DNAH3: variants seen among roughly 807,000 people sequenced by gnomAD.
DNAH3 encodes the protein axonemal beta dynein heavy chain 3.
Under a neutral mutation model 432.5 loss-of-function variants are expected in DNAH3, and 332 were observed. The ratio of observed to expected loss-of-function variants is 0.77; its 90% CI spans 0.70 to 0.84. The LOEUF (loss-of-function observed/expected upper bound fraction) is 0.84. Ranked by LOEUF, DNAH3 falls within the 40% of genes least tolerant of loss-of-function variation. The pLI is 0.00. For synonymous variants in DNAH3, 1,956 were observed against 1,900.2 expected (o/e 1.03, Z -0.76); for missense variants, 4,861 against 5,114.0 (o/e 0.95, Z 1.51).
chr16:21,063,824 G>C (rs2090449056), intron 24 of DNAH3, among the ~76,000 whole-genome samples: 5 of 152,140 alleles, frequency 3.3e-5, no homozygotes. Context: ...CTGTAAATGT[G>C]AGCCACTGCA....
intron 53 of DNAH3, among the ~76,000 whole-genome samples, chr16:20,960,845 T>C (rs941718690): frequency 2.0e-5 from 3 of 152,250 alleles, no homozygotes; most frequent in Admixed American, 6.5e-5. Flanking sequence ...ACTAAGTTTA[T>C]GCCACATGAA....
At chr16:21,087,854 T>A (rs537746414) in intron 18 of DNAH3, among the ~76,000 whole-genome samples, 1 of 152,194 alleles carries the variant, frequency 6.6e-6, no homozygotes, top group South Asian at 2.1e-4. Context: ...GCCAGGATAG[T>A]GCCACTGCCC....
At chr16:20,975,901 C>T (rs961182332) in intron 50 of DNAH3, among the ~76,000 whole-genome samples, 1 of 152,070 alleles carries the variant, frequency 6.6e-6, no homozygotes, top group East Asian at 1.9e-4. Context: ...CACACCACCA[C>T]GCCTGGCTAA....
At chr16:20,953,489 A>G (rs984419225) in intron 55 of DNAH3, among the ~76,000 whole-genome samples, 2 of 151,104 alleles carry the variant, frequency 1.3e-5, no homozygotes, top group African/African-American at 2.4e-5. Flanking sequence ...CCTCCCAAAC[A>G]CTCGCTTTCA....
rs765907347 is a variant in DNAH3 at position 21,030,657 on chromosome 16, G to A, written c.5439+388C>T. Among the ~76,000 whole-genome samples, 2 of 152,158 alleles carry A rather than the reference G, an allele frequency of 1.3e-5. 1 individual carries two copies. Among genetic ancestry groups the A allele is most frequent in the African/African-American group, 4.8e-5 (2 of 41,426 alleles). On this transcript the variant is annotated intron_variant, in intron 37 of 61. Coordinates refer to ENST00000261383, the Ensembl canonical transcript of DNAH3. Reference sequence around the variant, plus strand: ...ATAAGTAACCAAAACATATCCCGCAGGTACTATGTGCAATCTCATTTAAGT... The same window carrying A: ...ATAAGTAACCAAAACATATCCCGCAAGTACTATGTGCAATCTCATTTAAGT...
At chr16:21,114,843 A>G (rs570733761) in intron 12 of DNAH3, among the ~76,000 whole-genome samples, 11 of 152,328 alleles carry the variant, frequency 7.2e-5, no homozygotes, top group African/African-American at 2.4e-4. Context: ...TGATTCCTCA[A>G]GGATCTAGAA....
exon 53 of DNAH3, chr16:20,963,468 C>T (rs1433840003): frequency 6.2e-7 from 1 of 1,614,060 alleles, no homozygotes; most frequent in Non-Finnish European, 8.5e-7. Context: ...GGATCACCAT[C>T]TTCTCCAATC....
intron 3 of DNAH3, among the ~76,000 whole-genome samples, chr16:21,141,767 T>C (rs1192312466): frequency 6.6e-6 from 1 of 152,230 alleles, no homozygotes. Flanking sequence ...CTTAGTACAT[T>C]TGGCCAGGCA....
At position 21,003,126 on chromosome 16, in the gene DNAH3, T is replaced by C. The variant is rs773252838; in HGVS notation, c.6104A>G (p.Glu2035Gly). The C allele has an allele frequency of 1.6e-5, 26 of 1,612,050 alleles. No individual in the cohort carries two copies. In the African/African-American group the frequency reaches 3.5e-4, roughly 22 times the overall value. The change falls in exon 42 of 62, where the codon GAA becomes GGA. Residue 2035 changes from glutamate (E) to glycine (G), a missense_variant. Physicochemically the swap from Glu to Gly is moderately conservative, Grantham distance 98. Transcript: ENST00000261383. Reference sequence around the variant, plus strand: ...TACCTTTGCACCAGCTGGAACTTTTTCCTCCTCTTTGGTGATATACTGTGT... The same window carrying C: ...TACCTTTGCACCAGCTGGAACTTTTCCCTCCTCTTTGGTGATATACTGTGT...
At chr16:20,983,065 G>C (rs1403370232) in intron 48 of DNAH3, 179 bp from the exon 49 acceptor site, 1 of 594,592 alleles carries the variant, frequency 1.7e-6, no homozygotes, top group African/African-American at 1.8e-5. Flanking sequence ...TAATTAGTGG[G>C]ATATTTTCAC....
chr16:21,009,432 C>G (rs2087472580), intron 41 of DNAH3, among the ~76,000 whole-genome samples: 1 of 152,098 alleles, frequency 6.6e-6, no homozygotes, highest in South Asian at 2.1e-4. Context: ...CAAAGAGATA[C>G]TTAAGGATAA....
At chr16:20,964,173 T>G in exon 53 of DNAH3, 1 of 1,614,144 alleles carries the variant, frequency 6.2e-7, no homozygotes, top group Non-Finnish European at 8.5e-7. Flanking sequence ...TATCTTCAAT[T>G]TCCTTGAGAT....
chr16:20,943,057 G>T (rs561141218), intron 58 of DNAH3, among the ~76,000 whole-genome samples: 1 of 152,048 alleles, frequency 6.6e-6, no homozygotes, highest in South Asian at 2.1e-4. Context: ...CTTAGTAGCT[G>T]GGACTACAGG....
chr16:20,934,097 T>C (rs16970780), intron 61 of DNAH3, among the ~76,000 whole-genome samples: 23,637 of 151,608 alleles, frequency 0.16, 1,955 homozygotes, highest in Middle Eastern at 0.21. Context: ...TTGCAGAAAA[T>C]GGACAAAGCA....
At chr16:21,065,192 G>A (rs1399242249) in intron 24 of DNAH3, among the ~76,000 whole-genome samples, 6 of 151,884 alleles carry the variant, frequency 4.0e-5, no homozygotes, top group African/African-American at 1.4e-4. Flanking sequence ...AGAGAGTCTC[G>A]CTCTGTCACC....
At position 21,013,736 on chromosome 16, in the gene DNAH3, A is replaced by C. The variant is rs975837063; in HGVS notation, c.6022+5888T>G. Among the ~76,000 whole-genome samples the C allele has an allele frequency of 1.3e-4, 19 of 151,416 alleles. 1 individual carries two copies. Among genetic ancestry groups the C allele is most frequent in the African/African-American group, 2.7e-4 (11 of 41,332 alleles). On this transcript the variant is annotated intron_variant, in intron 41 of 61. Coordinates refer to ENST00000261383, the Ensembl canonical transcript of DNAH3. Reference sequence around the variant, plus strand: ...CTCCATCTCAAAAAAAAAAAAAAAAAAAAACTAAAAAAATGAAAGACAGGC... The same window carrying C: ...CTCCATCTCAAAAAAAAAAAAAAAACAAAACTAAAAAAATGAAAGACAGGC...
intron 25 of DNAH3, among the ~76,000 whole-genome samples, chr16:21,060,828 CTTTT>C (rs34315223): frequency 1.7e-5 from 2 of 118,246 alleles, no homozygotes; most frequent in East Asian, 2.5e-4. Context: ...CTGGTCTCTT[CTTTT>C]TTTTTTTTTT....
chr16:20,934,110 G>C (rs1287836790), intron 61 of DNAH3, among the ~76,000 whole-genome samples: 1 of 152,174 alleles, frequency 6.6e-6, no homozygotes, highest in African/African-American at 2.4e-5. Flanking sequence ...ACAAAGCATA[G>C]GAGAATAGGG....
intron 53 of DNAH3, among the ~76,000 whole-genome samples, chr16:20,961,184 C>T (rs1367925679): frequency 6.6e-6 from 1 of 152,078 alleles, no homozygotes; most frequent in Non-Finnish European, 1.5e-5. Context: ...GCATCGTGTC[C>T]CTAGCAAAAT....
Sources: gnomAD v4.1 joint callset for allele counts (sites outside exome capture counted in the v4.1 genomes callset) on GRCh38, gnomAD v4.1.1 for gene constraint, MANE v1.5 for transcripts, NCBI Gene and HGNC (gene_info 2026-07-23, HGNC 2026-07-21) for gene names.